The following EPN2 variants were observed in gnomAD, a reference collection of about 807,000 sequenced individuals.
EPN2 encodes epsin 2.
A neutral mutation model predicts 61.7 loss-of-function variants in EPN2; 34 were observed. The ratio of observed to expected loss-of-function variants is 0.55; its 90% CI spans 0.42 to 0.73. The LOEUF (loss-of-function observed/expected upper bound fraction) is 0.73. EPN2 is among the 30% of genes least tolerant of loss of function. EPN2 has a pLI of 0.00. For synonymous variants in EPN2, 349 were observed against 353.6 expected, an observed-to-expected ratio of 0.99 and a Z score of 0.15; for missense variants, 714 against 839.2, an observed-to-expected ratio of 0.85 and a Z score of 1.84.
chr17:19,329,348 G>C (rs1476718615), intron 8 of EPN2: 4 of 525,818 alleles, frequency 7.6e-6, no homozygotes, highest in Admixed American at 7.3e-5. Flanking sequence ...CCCACACCCT[G>C]TCCTGGGAGG....
chr17:19,335,594 C>A lies in EPN2; in HGVS notation c.*1340C>A. The A allele has an allele frequency of 6.7e-6, 6 of 896,112 alleles. No homozygotes were observed. Among genetic ancestry groups the A allele is most frequent in the Non-Finnish European group, 9.8e-6 (6 of 615,014 alleles). 55.5% of individuals were successfully genotyped at this position (896,112 alleles called of 1,614,324 possible). A position where few individuals can be genotyped will look rare whatever the true frequency, so the allele number is the denominator to read the frequency against. On this transcript the variant is annotated 3_prime_UTR_variant, in exon 11 of 11. Transcript: ENST00000314728. The stretch of plus-strand genomic sequence containing the variant: ...GCTTCTGTGCCCACGGGTCCCTGGG[C>A]AACAGTCCCTAGGCTAAGACAGGGG...
intron 10 of EPN2, among the ~76,000 whole-genome samples, chr17:19,333,347 A>C (rs1567872156): frequency 6.6e-6 from 1 of 152,232 alleles, no homozygotes; most frequent in African/African-American, 2.4e-5. Flanking sequence ...ACTCTGCTGG[A>C]CATACAGGGC....
Position 19,285,723 on chromosome 17 carries a change from G to T in EPN2, c.699G>T (p.Leu233=). 6.2e-7 allele frequency: 1 copy of T among 1,607,262 alleles called. No homozygotes were observed. The highest frequency in any genetic ancestry group is 2.2e-5 in the East Asian group (1 of 44,708). ...AGCGCCACCCCTTCCTGCCGCACCT[G>T]GGGCTGGCCTCCCGCCCAAATGGCG... ...LSQRHPFLPH[L]GLASRPNGDW... Residue 233 remains leucine, a synonymous_variant, in exon 4 of 11, where the codon CTG becomes CTT. Transcript: ENST00000314728. The surrounding 1 kb of genome is among the most constrained non-coding windows in gnomAD (Gnocchi z 4.5).
At chr17:19,328,186 T>C (rs540753988) in intron 7 of EPN2, among the ~76,000 whole-genome samples, 13 of 152,320 alleles carry the variant, frequency 8.5e-5, no homozygotes, top group African/African-American at 3.1e-4. Context: ...GTTTTATTCC[T>C]TTTTATACAG....
chr17:19,299,791 G>A (rs1905388884), intron 4 of EPN2, among the ~76,000 whole-genome samples: 2 of 152,204 alleles, frequency 1.3e-5, no homozygotes, highest in African/African-American at 2.4e-5. Flanking sequence ...GGGCCATAAC[G>A]TGGTCATTGT....
At chr17:19,307,865 A>G in intron 4 of EPN2, 3 of 979,124 alleles carry the variant, frequency 3.1e-6, no homozygotes, top group Non-Finnish European at 3.6e-6. Context: ...CCCCTGTTTT[A>G]TTCACCATAG....
chr17:19,312,269 C>A, intron 6 of EPN2, 125 bp downstream of exon 6: 1 of 719,162 alleles, frequency 1.4e-6, no homozygotes, highest in East Asian at 2.6e-5. Flanking sequence ...AAATAACCTT[C>A]ATGCCTGTAG....
At position 19,313,258 on chromosome 17, in the gene EPN2, T is replaced by G; in HGVS notation, c.1126T>G (p.Ser376Ala). The G allele has an allele frequency of 6.4e-7, 1 of 1,558,036 alleles. No individual in the cohort carries two copies. Among genetic ancestry groups the G allele is most frequent in the Non-Finnish European group, 8.6e-7 (1 of 1,156,576 alleles). Residue 376 changes from serine (S) to alanine (A), a missense_variant, in exon 7 of 11, where the codon TCA becomes GCA. Coordinates refer to ENST00000314728, the MANE Select transcript of EPN2 (RefSeq NM_014964.5). The part of the protein sequence containing the change: ...WGGPAAPAST[S>A]DPWPSFGTKP... ...CGGGCCAGCGGCTCCTGCGAGTACTTCAGACCCCTGGCCATCGTTTGGTAA... is the reference window on the plus strand; with the variant it reads ...CGGGCCAGCGGCTCCTGCGAGTACTGCAGACCCCTGGCCATCGTTTGGTAA...
At position 19,322,482 on chromosome 17, in the gene EPN2, T is replaced by G. The variant is rs142485457; in HGVS notation, c.1148-6229T>G. ...TGGTGGGCCAGGTGCAGTGTCTCCT[T>G]GCGCCTGGCCAATAATATATTTTTA... On this transcript the variant is annotated intron_variant, in intron 7 of 10. Coordinates refer to ENST00000314728, the MANE Select transcript of EPN2 (RefSeq NM_014964.5). Among the ~76,000 whole-genome samples the G allele has an allele frequency of 1.2e-4, 18 of 152,036 alleles. 1 individual carries two copies. The highest frequency in any genetic ancestry group is 4.3e-4 in the African/African-American group (18 of 41,450).
chr17:19,327,912 G>A (rs1906961748), intron 7 of EPN2, among the ~76,000 whole-genome samples: 2 of 152,192 alleles, frequency 1.3e-5, no homozygotes, highest in Non-Finnish European at 2.9e-5. Flanking sequence ...AGTGCTCCGC[G>A]AGAAGGAAGG....
At chr17:19,299,549 C>T (rs981042617) in intron 4 of EPN2, among the ~76,000 whole-genome samples, 1 of 152,216 alleles carries the variant, frequency 6.6e-6, no homozygotes, top group African/African-American at 2.4e-5. Flanking sequence ...CTCAGGGACT[C>T]CTGAGGTAAA....
At chr17:19,294,560 C>A (rs1810191737) in intron 4 of EPN2, among the ~76,000 whole-genome samples, 1 of 152,160 alleles carries the variant, frequency 6.6e-6, no homozygotes, top group South Asian at 2.1e-4. Flanking sequence ...TGTTTATAAA[C>A]TGTCAATAAG....
In EPN2 at chr17:19,243,591, C is replaced by T. The variant is rs561679306; in HGVS notation, c.-294+6060C>T. ...TGTATTTTTAATAGAGATGGGGTTTCACCGTGTTAGCCAGGATGGTCTCGA... is the reference window on the plus strand; with the variant it reads ...TGTATTTTTAATAGAGATGGGGTTTTACCGTGTTAGCCAGGATGGTCTCGA... On this transcript the variant is annotated intron_variant, in intron 1 of 10. Transcript: ENST00000314728. 1.9e-4 allele frequency among the ~76,000 whole-genome samples: 29 copies of T among 152,048 alleles called. No individual in the cohort carries two copies. The South Asian group carries it at 6.0e-3, about 32-fold the overall frequency.
intron 1 of EPN2, among the ~76,000 whole-genome samples, chr17:19,281,226 C>T (rs2045355481): frequency 6.6e-6 from 1 of 152,162 alleles, no homozygotes; most frequent in African/African-American, 2.4e-5. Context: ...GTCCATCTCC[C>T]CTTACCGGGA....
rs575660522 is a variant in EPN2, at chr17:19,335,182, AAAC to A, written c.*933_*935del. On this transcript the variant is annotated 3_prime_UTR_variant, in exon 11 of 11. Coordinates refer to ENST00000314728, the MANE Select transcript of EPN2 (RefSeq NM_014964.5). ...AGATGATGATGTTTATTTAAAAAAA[AAAC>A]AACAGCAACAAAAAATCCTAGCCTC... The A allele has an allele frequency of 2.0e-5, 8 of 390,344 alleles. No homozygotes were observed. The highest frequency in any genetic ancestry group is 3.2e-5 in the Non-Finnish European group (7 of 219,220). 24.2% of individuals were successfully genotyped at this position (390,344 alleles called of 1,614,324 possible).
intron 1 of EPN2, among the ~76,000 whole-genome samples, chr17:19,265,252 A>C (rs576779953): frequency 6.6e-6 from 1 of 152,088 alleles, no homozygotes; most frequent in East Asian, 1.9e-4. Context: ...GCTGGGCTTG[A>C]TGGTGCACAC....
chr17:19,318,974 A>G (rs1158643382), intron 7 of EPN2, among the ~76,000 whole-genome samples: 3 of 152,158 alleles, frequency 2.0e-5, no homozygotes, highest in African/African-American at 7.2e-5. Flanking sequence ...AGTTTGGCAG[A>G]TCACATGAGG....
In EPN2 at chr17:19,285,885, C is replaced by T; in HGVS notation, c.766+95C>T. ...CCAGTACAGCCAACTCTCTCCCTGT[C>T]TCCTCTGGGCCTGGGGGTTTGGCCT... On this transcript the variant is annotated intron_variant, in intron 4 of 10. Coordinates refer to ENST00000314728, the MANE Select transcript of EPN2 (RefSeq NM_014964.5). The surrounding 1 kb of genome is among the most constrained non-coding windows in gnomAD (Gnocchi z 4.5). 7.1e-7 allele frequency: 1 copy of T among 1,416,646 alleles called. No individual in the cohort carries two copies. The highest frequency in any genetic ancestry group is 9.3e-7 in the Non-Finnish European group (1 of 1,077,164). The allele number at this position is 1,416,646 out of a possible 1,614,324, so 87.8% of individuals were successfully genotyped here. A position where few individuals can be genotyped will look rare whatever the true frequency, so the allele number is the denominator to read the frequency against.
Position 19,312,122 on chromosome 17 carries a change from T to A in EPN2, c.950T>A (p.Val317Asp). 6.2e-7 allele frequency: 1 copy of A among 1,613,844 alleles called. No homozygotes were observed. The highest frequency in any genetic ancestry group is 8.5e-7 in the Non-Finnish European group (1 of 1,179,770). The change falls in exon 6 of 11, where the codon GTT (valine) becomes GAT (aspartate). Residue 317 changes from valine (V) to aspartate (D), a missense_variant. This residue lies in a region of EPN2 where 410 missense variants were observed against 421.8 expected (regional missense o/e 0.97). Coordinates refer to ENST00000314728, the MANE Select transcript of EPN2 (RefSeq NM_014964.5). Reference sequence around the variant, plus strand: ...CTGGAAGAAAGCCGAAGGGACACAGTTAAAATTCCAAAAAAGAAAGAGGTA... The same window carrying A: ...CTGGAAGAAAGCCGAAGGGACACAGATAAAATTCCAAAAAAGAAAGAGGTA... ...MALEESRRDT[V>D]KIPKKKEHGS... is the part of the protein sequence containing the mutation.
Sources: gnomAD v4.1 joint callset for allele counts (sites outside exome capture counted in the v4.1 genomes callset) on GRCh38, gnomAD v4.1.1 for gene constraint, gnomAD v4.1.1 regional missense constraint, Gnocchi (gnomAD v3.1) non-coding constraint, MANE v1.5 for transcripts, NCBI Gene and HGNC (gene_info 2026-07-23, HGNC 2026-07-21) for gene names.